Variants in PIK3C3 observed in about 807,000 individuals in gnomAD.
PIK3C3 encodes the protein phosphatidylinositol 3-kinase catalytic subunit type 3.
In PIK3C3, 95 loss-of-function variants were observed where a neutral mutation model predicts 126.1. The observed-to-expected ratio is 0.75, with a 90% CI of 0.64 to 0.89. PIK3C3 has a LOEUF of 0.89. PIK3C3 is among the 40% of genes least tolerant of loss of function. PIK3C3 has a pLI of 0.00. For synonymous variants in PIK3C3, 374 were observed against 360.0 expected (o/e 1.04, Z -0.44); for missense variants, 829 against 1,063.2 (o/e 0.78, Z 3.06).
intron 12 of PIK3C3, among the ~76,000 whole-genome samples, chr18:42,016,618 A>T (rs1199615414): frequency 6.6e-6 from 1 of 152,188 alleles, no homozygotes; most frequent in Non-Finnish European, 1.5e-5. Context: ...AGGTGAGAGA[A>T]CAACCATATG....
At position 42,043,769 on chromosome 18, in the gene PIK3C3, C is replaced by A; in HGVS notation, c.2140C>A (p.Pro714Thr). 6.2e-7 allele frequency: 1 copy of A among 1,612,862 alleles called. No individual in the cohort carries two copies. The highest frequency in any genetic ancestry group is 8.5e-7 in the Non-Finnish European group (1 of 1,179,112). ...FRKYAPSENG[P>T]NGISAEVMDT... is the part of the protein sequence containing the mutation. The stretch of plus-strand genomic sequence containing the variant: ...AAAATATGCACCAAGTGAGAATGGG[C>A]CAAATGGGATTAGTGCTGAGGTCAT... Residue 714 changes from proline (P) to threonine (T), a missense_variant, in exon 20 of 25, where the codon CCA (proline) becomes ACA (threonine). This residue lies in a region of PIK3C3 where 196 missense variants were observed against 312.8 expected (regional missense o/e 0.63). Coordinates refer to ENST00000262039, the MANE Select transcript of PIK3C3 (RefSeq NM_002647.4).
At chr18:42,013,288 G>C (rs549746821) in intron 10 of PIK3C3, among the ~76,000 whole-genome samples, 154 bp from the exon 11 acceptor site, 194 of 152,226 alleles carry the variant, frequency 1.3e-3, no homozygotes, top group Non-Finnish European at 2.5e-3. Flanking sequence ...GTGGGGCACA[G>C]AGAAGTTAAG....
chr18:42,020,709 T>G lies in PIK3C3; in HGVS notation c.1484+4T>G. On this transcript the variant is annotated splice_donor_region_variant and intron_variant, in intron 13 of 24. Coordinates refer to ENST00000262039, the MANE Select transcript of PIK3C3 (RefSeq NM_002647.4). ...CACTGGCTAATTATTTATACTGGTATGTAAAAATAATTTTCTGTTTATTTT... is the reference window on the plus strand; with the variant it reads ...CACTGGCTAATTATTTATACTGGTAGGTAAAAATAATTTTCTGTTTATTTT... 6.6e-7 allele frequency: 1 copy of G among 1,522,590 alleles called. No individual in the cohort carries two copies. The highest frequency in any genetic ancestry group is 9.1e-7 in the Non-Finnish European group (1 of 1,102,824). 94.3% of individuals were successfully genotyped at this position (1,522,590 alleles called of 1,614,324 possible).
chr18:42,005,697 A>G (rs575546185), intron 10 of PIK3C3, among the ~76,000 whole-genome samples: 117 of 152,318 alleles, frequency 7.7e-4, no homozygotes, highest in African/African-American at 2.7e-3. Context: ...TTTAAGAGGG[A>G]GGGGACAGTG....
intron 24 of PIK3C3, among the ~76,000 whole-genome samples, chr18:42,071,551 C>G (rs1026787308): frequency 1.3e-5 from 2 of 151,936 alleles, no homozygotes; most frequent in Admixed American, 6.6e-5. Context: ...GAAACCCTGT[C>G]TCTACTAAAA....
chr18:41,961,164 A>G (rs947479299), intron 2 of PIK3C3, among the ~76,000 whole-genome samples: 1 of 152,250 alleles, frequency 6.6e-6, no homozygotes, highest in African/African-American at 2.4e-5. Flanking sequence ...GGTAGTCATT[A>G]AAGGACAGAA....
chr18:42,011,815 T>A (rs1345825532), intron 10 of PIK3C3, among the ~76,000 whole-genome samples: 1 of 152,176 alleles, frequency 6.6e-6, no homozygotes, highest in Non-Finnish European at 1.5e-5. Context: ...ACTTGAACAC[T>A]TATTGTGCAC....
chr18:42,011,213 C>A (rs1205727263), intron 10 of PIK3C3, among the ~76,000 whole-genome samples: 1 of 152,194 alleles, frequency 6.6e-6, no homozygotes, highest in African/African-American at 2.4e-5. Flanking sequence ...CTTAAAGTCA[C>A]TGCCTACGTT....
intron 5 of PIK3C3, among the ~76,000 whole-genome samples, chr18:41,989,794 G>C (rs867834284): frequency 2.6e-5 from 4 of 152,154 alleles, no homozygotes; most frequent in Non-Finnish European, 4.4e-5. Context: ...TACACCTGTC[G>C]TTAAGTGACA....
chr18:42,014,665 T>A (rs1350317999), intron 11 of PIK3C3, among the ~76,000 whole-genome samples: 2 of 152,196 alleles, frequency 1.3e-5, no homozygotes, highest in Non-Finnish European at 2.9e-5. Context: ...TTTGTGAAGA[T>A]CATTAGGTTT....
At position 42,038,241 on chromosome 18, in the gene PIK3C3, T is replaced by C. The variant is rs115051533; in HGVS notation, c.1968+421T>C. ...GCATGAAGTGATAGCAACAACCCTA[T>C]TGTTCATTGAAAACAGCTGACAGAG... On this transcript the variant is annotated intron_variant, in intron 17 of 24. Transcript: ENST00000262039. 8.7e-3 allele frequency among the ~76,000 whole-genome samples: 1,325 copies of C among 152,244 alleles called. 24 individuals carry two copies. The highest frequency in any genetic ancestry group is 0.03 in the African/African-American group (1,255 of 41,538).
chr18:41,977,677 G>A (rs1042906890), intron 4 of PIK3C3, among the ~76,000 whole-genome samples: 3 of 152,090 alleles, frequency 2.0e-5, no homozygotes, highest in African/African-American at 7.2e-5. Context: ...TAGAGACAGG[G>A]TTTCACCATG....
intron 4 of PIK3C3, among the ~76,000 whole-genome samples, chr18:41,979,186 CCTAA>C (rs1037010147): frequency 5.3e-5 from 8 of 151,792 alleles, no homozygotes; most frequent in African/African-American, 1.9e-4. Flanking sequence ...TGAAACAATT[CCTAA>C]CTGATACAGA....
At chr18:42,073,658 T>A (rs944565873) in intron 24 of PIK3C3, among the ~76,000 whole-genome samples, 5 of 152,086 alleles carry the variant, frequency 3.3e-5, no homozygotes, top group African/African-American at 9.7e-5. Flanking sequence ...AAGCTTCTGA[T>A]TTTGGACTTT....
Position 41,996,742 on chromosome 18 carries a change from GA to G in PIK3C3, c.984+14del. 7.7e-7 allele frequency: 1 copy of G among 1,296,026 alleles called. No individual in the cohort carries two copies. The highest frequency in any genetic ancestry group is 1.1e-6 in the Non-Finnish European group (1 of 922,540). 80.3% of individuals were successfully genotyped at this position (1,296,026 alleles called of 1,614,324 possible). On this transcript the variant is annotated intron_variant, in intron 9 of 24. Coordinates refer to ENST00000262039, the MANE Select transcript of PIK3C3 (RefSeq NM_002647.4). ...CGAATCAAGAAAAAGTGAGTGTCTT[GA>G]ATATTTTCATATATCAAATTTATCT...
chr18:42,076,871 C>A (rs1226484529), intron 24 of PIK3C3, among the ~76,000 whole-genome samples: 1 of 152,110 alleles, frequency 6.6e-6, no homozygotes, highest in Non-Finnish European at 1.5e-5. Flanking sequence ...TGTTTTCTTT[C>A]CCTCTGTGTT....
intron 24 of PIK3C3, among the ~76,000 whole-genome samples, chr18:42,074,193 A>C (rs909152595): frequency 6.6e-6 from 1 of 152,166 alleles, no homozygotes; most frequent in Non-Finnish European, 1.5e-5. Context: ...ATATACCATA[A>C]TGTGTTTTCA....
At chr18:41,964,674 G>A (rs933277960) in intron 3 of PIK3C3, among the ~76,000 whole-genome samples, 1 of 151,936 alleles carries the variant, frequency 6.6e-6, no homozygotes, top group Non-Finnish European at 1.5e-5. Context: ...AATATTTCCA[G>A]GTTTGTTTTG....
At chr18:41,990,733 G>A in intron 6 of PIK3C3, 179 bp downstream of exon 6, 6 of 522,352 alleles carry the variant, frequency 1.1e-5, no homozygotes, top group Non-Finnish European at 2.0e-5. Flanking sequence ...GATTACAAAA[G>A]CCTATCACTC....
Sources: allele counts gnomAD v4.1 joint callset (sites outside exome capture counted in the v4.1 genomes callset), GRCh38; gene constraint gnomAD v4.1.1; regional missense constraint gnomAD v4.1.1; transcripts MANE v1.5; gene names NCBI Gene and HGNC (gene_info 2026-07-23, HGNC 2026-07-21).